Variants in PCBP3 observed in about 807,000 individuals in gnomAD.
The protein encoded by PCBP3 is poly(rC)-binding protein 3.
Under a neutral mutation model 52.7 loss-of-function variants are expected in PCBP3, and 25 were observed. That is an observed-to-expected ratio of 0.47 (90% CI 0.35 to 0.66). The LOEUF is 0.66. Ranked by LOEUF, PCBP3 falls within the 30% of genes least tolerant of loss-of-function variation. The pLI is 0.01. For missense variants in PCBP3, 391 were observed against 490.3 expected, an observed-to-expected ratio of 0.80 and a Z score of 1.91; for synonymous variants, 162 against 183.0, an observed-to-expected ratio of 0.89 and a Z score of 0.93.
chr21:45,813,504 C>G (rs552802368), intron 4 of PCBP3, among the ~76,000 whole-genome samples: 1 of 152,156 alleles, frequency 6.6e-6, no homozygotes, highest in Non-Finnish European at 1.5e-5. Context: ...TGCAGTGGCA[C>G]GATCTCAGCT....
At chr21:45,939,648 C>T (rs902158677) in intron 16 of PCBP3, among the ~76,000 whole-genome samples, 1 of 152,234 alleles carries the variant, frequency 6.6e-6, no homozygotes. Flanking sequence ...ACCGCTGGGC[C>T]ATGGTGGAGC....
At chr21:45,747,279 T>TTACCTCCCACTGGG (rs1336705856) in intron 3 of PCBP3, among the ~76,000 whole-genome samples, 5 of 152,200 alleles carry the variant, frequency 3.3e-5, no homozygotes, top group African/African-American at 1.2e-4. Context: ...CATGATTCAA[T>TTACCTCCCACTGGG]TACCTCCCAC....
Position 45,853,096 on chromosome 21 carries a change from G to A in PCBP3, c.10+3001G>A, listed in dbSNP as rs377468113. On this transcript the variant is annotated intron_variant, in intron 5 of 17. Coordinates refer to ENST00000681687, the MANE Select transcript of PCBP3 (RefSeq NM_001384156.1). This position sits in a 1 kb window ranked among gnomAD's most constrained non-coding sequence, Gnocchi z 4.6. Reference sequence around the variant, plus strand: ...AGCAGATGCGGAAAGTGCACATGCCGCTGGCCAGAGGGGGTGGGCTGGCAT... The same window carrying A: ...AGCAGATGCGGAAAGTGCACATGCCACTGGCCAGAGGGGGTGGGCTGGCAT... Among the ~76,000 whole-genome samples, 9 of 152,162 alleles carry A rather than the reference G, an allele frequency of 5.9e-5. No individual in the cohort carries two copies. Among genetic ancestry groups the A allele is most frequent in the Admixed American group, 2.6e-4 (4 of 15,288 alleles).
intron 3 of PCBP3, among the ~76,000 whole-genome samples, chr21:45,753,250 T>G (rs760055917): frequency 1.1e-4 from 16 of 152,014 alleles, no homozygotes; most frequent in Admixed American, 3.9e-4. Flanking sequence ...TTTCTTATAT[T>G]TCTGTTCATT....
chr21:45,730,070 C>A (rs1225105514), intron 2 of PCBP3, among the ~76,000 whole-genome samples: 1 of 151,598 alleles, frequency 6.6e-6, no homozygotes, highest in Non-Finnish European at 1.5e-5. Flanking sequence ...GATTTTTATT[C>A]TTTATTTCCT....
At chr21:45,713,011 CA>C (rs1222095096) in intron 2 of PCBP3, among the ~76,000 whole-genome samples, 3 of 152,056 alleles carry the variant, frequency 2.0e-5, no homozygotes, top group Non-Finnish European at 4.4e-5. Context: ...AGGTGTGAGC[CA>C]CCTTACCTGG....
At chr21:45,774,151 T>A (rs910089348) in intron 4 of PCBP3, among the ~76,000 whole-genome samples, 1 of 152,120 alleles carries the variant, frequency 6.6e-6, no homozygotes, top group Non-Finnish European at 1.5e-5. Context: ...ACACCTGTAA[T>A]CCTAGCACTT....
At chr21:45,703,793 C>G (rs2083278508) in intron 2 of PCBP3, among the ~76,000 whole-genome samples, 1 of 152,062 alleles carries the variant, frequency 6.6e-6, no homozygotes, top group Non-Finnish European at 1.5e-5. Context: ...TTTGGTGATA[C>G]ATCTCCTGGG....
intron 2 of PCBP3, among the ~76,000 whole-genome samples, chr21:45,687,694 T>C (rs1276942311): frequency 6.6e-6 from 1 of 151,282 alleles, no homozygotes; most frequent in Non-Finnish European, 1.5e-5. Context: ...GAAAAAGATA[T>C]ACCATGCAAA....
At chr21:45,901,206 G>GCACCT (rs2096025972) in intron 9 of PCBP3, 93 bp downstream of exon 9, 1 of 894,424 alleles carries the variant, frequency 1.1e-6, no homozygotes, top group Non-Finnish European at 1.8e-6. Context: ...CCTGGACTAG[G>GCACCT]GGATGCCCCA....
At chr21:45,929,858 G>A (rs1341458247) in intron 13 of PCBP3, 59 bp from the exon 14 acceptor site, 1 of 1,198,496 alleles carries the variant, frequency 8.3e-7, no homozygotes, top group Non-Finnish European at 1.2e-6. Context: ...GTTTTAATTT[G>A]GTGTGACTTG....
intron 2 of PCBP3, among the ~76,000 whole-genome samples, chr21:45,725,035 G>T (rs2084927741): frequency 6.6e-6 from 1 of 150,928 alleles, no homozygotes; most frequent in African/African-American, 2.4e-5. Flanking sequence ...TTTTGCTTGG[G>T]TTTTTTTTTG....
In PCBP3 at chr21:45,676,009, A is replaced by C. The variant is rs920760356; in HGVS notation, c.-200+7057A>C. Among the ~76,000 whole-genome samples, 8 of 152,222 alleles carry C rather than the reference A, an allele frequency of 5.3e-5. No individual in the cohort carries two copies. The South Asian group carries it at 1.7e-3, about 32-fold the overall frequency. ...TTTAATATTCTGTGAGATGGAATTG[A>C]AAGTTTGCATAATGTACTTTGGCAG... On this transcript the variant is annotated intron_variant, in intron 2 of 17. Coordinates refer to ENST00000681687, the MANE Select transcript of PCBP3 (RefSeq NM_001384156.1).
At chr21:45,867,923 C>A (rs891513197) in intron 5 of PCBP3, among the ~76,000 whole-genome samples, 1 of 152,212 alleles carries the variant, frequency 6.6e-6, no homozygotes, top group Non-Finnish European at 1.5e-5. Flanking sequence ...GCACACACAG[C>A]GGGGAAGAGT....
chr21:45,863,277 C>T (rs946965732), intron 5 of PCBP3, among the ~76,000 whole-genome samples: 5 of 152,230 alleles, frequency 3.3e-5, no homozygotes, highest in Admixed American at 1.3e-4. Flanking sequence ...CCCCGCTGTC[C>T]GGGTAGGGAC....
intron 5 of PCBP3, among the ~76,000 whole-genome samples, chr21:45,884,617 G>A (rs1407289199): frequency 6.6e-6 from 1 of 152,104 alleles, no homozygotes; most frequent in Admixed American, 6.5e-5. Context: ...CTGGAGTGCA[G>A]TGACACGATC....
rs1220194123 is a variant in PCBP3, at chr21:45,787,039, G to T, written c.-126+31587G>T. Among the ~76,000 whole-genome samples, 3 of 152,176 alleles carry T rather than the reference G, an allele frequency of 2.0e-5. No individual in the cohort carries two copies. In the East Asian group the frequency reaches 5.8e-4, roughly 29 times the overall value. On this transcript the variant is annotated intron_variant, in intron 4 of 17. Transcript: ENST00000681687. ...CCCAACTGCTTCCCTCTCTGAGCCT[G>T]ATCCTCATCTATAAAAATCATAATA...
intron 3 of PCBP3, among the ~76,000 whole-genome samples, chr21:45,743,672 C>T (rs183500770): frequency 2.6e-5 from 4 of 152,140 alleles, no homozygotes; most frequent in African/African-American, 9.6e-5. Flanking sequence ...TTGGAGTTAC[C>T]GTTAGTGTTC....
At chr21:45,891,563 C>T (rs879507113) in intron 5 of PCBP3, among the ~76,000 whole-genome samples, 6 of 152,188 alleles carry the variant, frequency 3.9e-5, no homozygotes, top group Non-Finnish European at 7.3e-5. Flanking sequence ...GGGCACCTGT[C>T]GGCGGGCAGT....
Sources: gnomAD v4.1 joint callset for allele counts (sites outside exome capture counted in the v4.1 genomes callset) on GRCh38, gnomAD v4.1.1 for gene constraint, Gnocchi (gnomAD v3.1) non-coding constraint, MANE v1.5 for transcripts, NCBI Gene and HGNC (gene_info 2026-07-23, HGNC 2026-07-21) for gene names.